MYH11: variants seen among roughly 807,000 people sequenced by gnomAD.
MYH11 encodes the protein myosin heavy chain 11, also known as myosin-11.
A neutral mutation model predicts 246.6 loss-of-function variants in MYH11; 80 were observed. The observed-to-expected ratio is 0.32, with a 90% CI of 0.27 to 0.39. MYH11 has a LOEUF of 0.39. Ranked by LOEUF, MYH11 falls within the 10% of genes least tolerant of loss-of-function variation. The pLI is 1.00. For synonymous variants in MYH11, 1,071 were observed against 1,015.5 expected (o/e 1.05, Z -1.04); for missense variants, 2,158 against 2,546.8 (o/e 0.85, Z 3.29).
At chr16:15,802,510 G>A (rs2042911700) in intron 3 of MYH11, among the ~76,000 whole-genome samples, 3 of 152,192 alleles carry the variant, frequency 2.0e-5, no homozygotes, top group Admixed American at 6.5e-5. Flanking sequence ...GTACAGTGGC[G>A]TGATCTCAGC....
intron 40 of MYH11, among the ~76,000 whole-genome samples, chr16:15,708,593 G>C (rs2039596655): frequency 6.6e-6 from 1 of 152,202 alleles, no homozygotes. Flanking sequence ...GAGGCAGGAA[G>C]GACAGTGGGT....
chr16:15,784,962 T>G, intron 5 of MYH11: 1 of 473,236 alleles, frequency 2.1e-6, no homozygotes, highest in Non-Finnish European at 3.8e-6. Context: ...GCCTCCCAAG[T>G]AGCTAAGACT....
intron 20 of MYH11, chr16:15,742,252 C>T: frequency 2.8e-6 from 1 of 354,684 alleles, no homozygotes; most frequent in Non-Finnish European, 5.3e-6. Context: ...ACCATCCCAA[C>T]AGAGAACTAC....
At chr16:15,739,716 C>T (rs2041218227) in intron 23 of MYH11, among the ~76,000 whole-genome samples, 1 of 151,910 alleles carries the variant, frequency 6.6e-6, no homozygotes, top group African/African-American at 2.4e-5. Context: ...CCTGGTAAGC[C>T]TGTTGTTTTT....
chr16:15,750,144 C>T lies in MYH11; in HGVS notation c.2052G>A (p.Glu684=). ...TCTGGGCGGCGGGCCTCACCCTCTT[C>T]TCGTGGTTGGGGATGATGCAGCGCA... ...NFVRCIIPNH[E]KRSGKLDAFL... The change falls in exon 16 of 41, where the codon GAG becomes GAA. Residue 684 remains glutamate (E), a synonymous_variant. Coordinates refer to ENST00000300036, the MANE Select transcript of MYH11 (RefSeq NM_002474.3). The surrounding 1 kb of genome is among the most constrained non-coding windows in gnomAD (Gnocchi z 4.3). The T allele has an allele frequency of 6.2e-7, 1 of 1,614,198 alleles. No homozygotes were observed. The highest frequency in any genetic ancestry group is 8.5e-7 in the Non-Finnish European group (1 of 1,180,024).
chr16:15,759,478 G>C, intron 12 of MYH11, 98 bp downstream of exon 12: 1 of 1,486,040 alleles, frequency 6.7e-7, no homozygotes, highest in Non-Finnish European at 9.4e-7. Flanking sequence ...CCCTACAGTA[G>C]CCATCTACAT....
intron 27 of MYH11, among the ~76,000 whole-genome samples, chr16:15,728,711 C>G (rs1364787594): frequency 1.3e-5 from 2 of 151,952 alleles, no homozygotes; most frequent in African/African-American, 4.8e-5. Flanking sequence ...ACCAGCCTGG[C>G]CAACATGGTG....
chr16:15,749,163 T>G (rs917880767), intron 16 of MYH11: 1 of 151,444 alleles, frequency 6.6e-6, no homozygotes, highest in Non-Finnish European at 1.5e-5. Flanking sequence ...TTTTTTTTTT[T>G]TTTTAAGATG....
intron 6 of MYH11, 102 bp from the exon 7 acceptor site, chr16:15,778,945 G>A (rs2042286271): frequency 8.9e-7 from 1 of 1,119,808 alleles, no homozygotes; most frequent in Non-Finnish European, 1.4e-6. Flanking sequence ...GATGGGAGGT[G>A]GGGCGGGGAG....
chr16:15,746,876 C>G (rs1291059760), intron 19 of MYH11, among the ~76,000 whole-genome samples: 1 of 152,104 alleles, frequency 6.6e-6, no homozygotes, highest in Non-Finnish European at 1.5e-5. Context: ...TCACTTGAGA[C>G]CAGGAATTTG....
chr16:15,724,463 T>G, intron 30 of MYH11, 54 bp from the exon 31 acceptor site: 2 of 1,610,902 alleles, frequency 1.2e-6, no homozygotes, highest in South Asian at 1.1e-5. Context: ...GTGGCCCCTG[T>G]CCCTGGCCCC....
chr16:15,793,937 T>TAACTGCATAACCGAACAG, intron 4 of MYH11, among the ~76,000 whole-genome samples: 1 of 117,572 alleles, frequency 8.5e-6, no homozygotes, highest in African/African-American at 3.8e-5. Flanking sequence ...TTCAGTTTCT[T>TAACTGCATAACCGAACAG]TTCTTTTCTT....
chr16:15,719,160 G>A (rs1279621500), intron 36 of MYH11, 60 bp downstream of exon 36: 3 of 1,507,840 alleles, frequency 2.0e-6, no homozygotes, highest in Non-Finnish European at 2.8e-6. Context: ...GGGGGTCGAG[G>A]ATGCTGCCTG....
At chr16:15,808,496 C>T (rs574627106) in intron 3 of MYH11, among the ~76,000 whole-genome samples, 185 of 152,288 alleles carry the variant, frequency 1.2e-3, no homozygotes, top group Non-Finnish European at 2.3e-3. Flanking sequence ...TCTACTCTCC[C>T]GGCAGAGTTG....
intron 3 of MYH11, among the ~76,000 whole-genome samples, chr16:15,810,265 C>A (rs1422933183): frequency 6.6e-6 from 1 of 151,950 alleles, no homozygotes; most frequent in East Asian, 1.9e-4. Flanking sequence ...GAACTCCTGA[C>A]CTCAGATGAT....
At chr16:15,826,117 C>A (rs1239834763) in intron 2 of MYH11, among the ~76,000 whole-genome samples, 1 of 152,058 alleles carries the variant, frequency 6.6e-6, no homozygotes, top group Non-Finnish European at 1.5e-5. Context: ...GCCCATCCAA[C>A]AGAAACAGAA....
rs528811682 is a variant in MYH11, at chr16:15,764,074, G to A, written c.1034-183C>T. ...ACCTTGCATTACAATGGAATGCCAC[G>A]CAGCAGGGACTGGCAAATTACAGCC... On this transcript the variant is annotated intron_variant, in intron 9 of 40. Transcript: ENST00000300036. Among the ~76,000 whole-genome samples the A allele has an allele frequency of 1.6e-4, 25 of 152,250 alleles. No homozygotes were observed. In the South Asian group the frequency reaches 3.7e-3, roughly 23 times the overall value.
chr16:15,833,363 AAGAG>A (rs951512668), intron 2 of MYH11, among the ~76,000 whole-genome samples: 1 of 120,190 alleles, frequency 8.3e-6, no homozygotes, highest in African/African-American at 3.5e-5. Context: ...GAAAGGAAGA[AAGAG>A]AGAGGGAGGG....
intron 19 of MYH11, among the ~76,000 whole-genome samples, chr16:15,747,290 A>T (rs1357447495): frequency 6.6e-6 from 1 of 152,126 alleles, no homozygotes; most frequent in Non-Finnish European, 1.5e-5. Context: ...CAGCTAAAAA[A>T]CTGGAAGCTC....
Sources: gnomAD v4.1 joint callset for allele counts (sites outside exome capture counted in the v4.1 genomes callset) on GRCh38, gnomAD v4.1.1 for gene constraint, Gnocchi (gnomAD v3.1) non-coding constraint, MANE v1.5 for transcripts, NCBI Gene and HGNC (gene_info 2026-07-23, HGNC 2026-07-21) for gene names.